Variants in RORA observed in about 807,000 individuals in gnomAD.
RORA encodes nuclear receptor ROR-alpha.
Under a neutral mutation model 69.5 loss-of-function variants are expected in RORA, and 7 were observed. The observed-to-expected ratio is 0.10, with a 90% confidence interval of 0.06 to 0.19. RORA has a LOEUF of 0.19. RORA is among the 10% of genes least tolerant of loss of function. The pLI is 1.00. For missense variants in RORA, 457 were observed against 663.0 expected (o/e 0.69, Z 3.41); for synonymous variants, 261 against 240.8 (o/e 1.08, Z -0.78).
chr15:60,696,713 A>G (rs1183014552), intron 1 of RORA, among the ~76,000 whole-genome samples: 1 of 152,026 alleles, frequency 6.6e-6, no homozygotes, highest in East Asian at 1.9e-4. Context: ...CCTTTGACCC[A>G]CTCACCGTGA....
At chr15:60,540,146 C>G (rs147691668) in intron 2 of RORA, among the ~76,000 whole-genome samples, 1,675 of 152,302 alleles carry the variant, frequency 0.011, 17 homozygotes, top group African/African-American at 0.023. Context: ...ATCTGACTCA[C>G]AGAACTGCAT....
In RORA at chr15:61,229,191, G is replaced by A. The variant is rs748875618; in HGVS notation, c.28C>T (p.Pro10Ser). Residue 10 changes from proline (P) to serine (S), a missense_variant, in exon 1 of 11, where the codon CCC (proline) becomes TCC (serine). Physicochemically the swap from Pro to Ser is moderately conservative, Grantham distance 74 (BLOSUM62 -1). Coordinates refer to ENST00000335670, the MANE Select transcript of RORA (RefSeq NM_134261.3). ...CTGCTGCCTGGCTCGCTGGCGGCGG[G>A]GTCGGGGGCTGCCGGAGCTGACTCC... MESAPAAPD[P>S]AASEPGSSGA... 1.5e-5 allele frequency: 24 copies of A among 1,552,256 alleles called. No homozygotes were observed. The highest frequency in any genetic ancestry group is 1.9e-5 in the Non-Finnish European group (22 of 1,151,596).
chr15:61,200,540 A>C (rs2079886042), intron 1 of RORA, among the ~76,000 whole-genome samples: 1 of 152,182 alleles, frequency 6.6e-6, no homozygotes, highest in African/African-American at 2.4e-5. Flanking sequence ...CTGACCTGGA[A>C]AAGGAAATAA....
intron 1 of RORA, among the ~76,000 whole-genome samples, chr15:60,918,662 C>T (rs76299492): frequency 6.6e-6 from 1 of 152,136 alleles, no homozygotes. Context: ...AAAGCAGGAA[C>T]CTTGGAGATA....
Position 60,496,731 on chromosome 15 carries a change from C to G in RORA, c.*724G>C, listed in dbSNP as rs1365393613. ...AGCCTTCTCAGTTAAACTTGTGTTT[C>G]TGGTGCACATGCGACACGACAGTGA... On this transcript the variant is annotated 3_prime_UTR_variant, in exon 11 of 11. Coordinates refer to ENST00000335670, the MANE Select transcript of RORA (RefSeq NM_134261.3). The surrounding 1 kb of genome is among the most constrained non-coding windows in gnomAD (Gnocchi z 4.5). 1 of 152,180 alleles carries G rather than the reference C, an allele frequency of 6.6e-6. No homozygotes were observed. The highest frequency in any genetic ancestry group is 1.5e-5 in the Non-Finnish European group (1 of 68,028). The allele number at this position is 152,180 out of a possible 1,614,324, so 9.4% of individuals were successfully genotyped here.
chr15:60,988,414 A>G (rs1331301169), intron 1 of RORA, among the ~76,000 whole-genome samples: 1 of 152,214 alleles, frequency 6.6e-6, no homozygotes, highest in Non-Finnish European at 1.5e-5. Flanking sequence ...TCAGAAGGCA[A>G]TTACCTCCAT....
intron 1 of RORA, among the ~76,000 whole-genome samples, chr15:60,927,199 C>T (rs762363513): frequency 5.3e-5 from 8 of 152,130 alleles, no homozygotes; most frequent in Non-Finnish European, 1.2e-4. Context: ...ACATGTGGAC[C>T]AGTTCCCTAC....
chr15:60,800,506 A>T (rs547683592), intron 1 of RORA, among the ~76,000 whole-genome samples: 1 of 152,368 alleles, frequency 6.6e-6, no homozygotes, highest in Non-Finnish European at 1.5e-5. Flanking sequence ...AAGATTTCAC[A>T]TCGTTTCTTC....
intron 1 of RORA, among the ~76,000 whole-genome samples, chr15:60,862,475 C>T (rs916268365): frequency 6.6e-6 from 1 of 152,168 alleles, no homozygotes; most frequent in Non-Finnish European, 1.5e-5. Flanking sequence ...CTATCTCAGA[C>T]CCTTAGTCTT....
intron 1 of RORA, among the ~76,000 whole-genome samples, chr15:61,170,354 C>T (rs760289694): frequency 6.6e-6 from 1 of 152,216 alleles, no homozygotes; most frequent in Non-Finnish European, 1.5e-5. Context: ...TCAAAGCCAG[C>T]AGTGTAGCGT....
intron 6 of RORA, 56 bp downstream of exon 6, chr15:60,505,452 C>G: frequency 6.3e-7 from 1 of 1,588,314 alleles, no homozygotes; most frequent in Non-Finnish European, 8.6e-7. Flanking sequence ...TTTCCTATAC[C>G]AACACCCTTC....
chr15:60,621,756 A>G (rs1456770339), intron 2 of RORA, among the ~76,000 whole-genome samples: 1 of 152,098 alleles, frequency 6.6e-6, no homozygotes, highest in Non-Finnish European at 1.5e-5. Context: ...GAAAAAGAGT[A>G]AAGGGTGGGG....
At chr15:60,973,001 A>G (rs1893765269) in intron 1 of RORA, among the ~76,000 whole-genome samples, 1 of 151,428 alleles carries the variant, frequency 6.6e-6, no homozygotes, top group African/African-American at 2.4e-5. Flanking sequence ...TGGGAGAAAA[A>G]AAAAAAACAA....
intron 2 of RORA, chr15:60,627,128 G>T: frequency 3.3e-6 from 3 of 917,922 alleles, no homozygotes; most frequent in Non-Finnish European, 5.0e-6. Flanking sequence ...TCCTTCACTC[G>T]TCAGATATTC....
At chr15:61,083,808 G>C (rs1368514809) in intron 1 of RORA, among the ~76,000 whole-genome samples, 1 of 151,896 alleles carries the variant, frequency 6.6e-6, no homozygotes, top group Non-Finnish European at 1.5e-5. Flanking sequence ...GAATACGTAG[G>C]CTTCTCTTGT....
chr15:60,880,880 T>C (rs568419560), intron 1 of RORA, among the ~76,000 whole-genome samples: 1 of 152,334 alleles, frequency 6.6e-6, no homozygotes, highest in South Asian at 2.1e-4. Flanking sequence ...TAACTTTTTT[T>C]CTTAGGGTAT....
intron 2 of RORA, among the ~76,000 whole-genome samples, chr15:60,663,456 C>CT (rs1439439963): frequency 8.5e-5 from 13 of 152,114 alleles, no homozygotes; most frequent in Non-Finnish European, 1.5e-4. Flanking sequence ...CAAAATGAGA[C>CT]TTTTTTTGTT....
chr15:61,094,377 G>A (rs1463868278), intron 1 of RORA, among the ~76,000 whole-genome samples: 1 of 152,084 alleles, frequency 6.6e-6, no homozygotes, highest in East Asian at 1.9e-4. Context: ...AATCAAATAT[G>A]ACCGTATGAT....
At chr15:60,795,438 C>T (rs114556214) in intron 1 of RORA, among the ~76,000 whole-genome samples, 129 of 152,270 alleles carry the variant, frequency 8.5e-4, no homozygotes, top group African/African-American at 2.6e-3. Flanking sequence ...AGCCAAACCC[C>T]GGGAGAGTAT....
Sources: gnomAD v4.1 joint callset for allele counts (sites outside exome capture counted in the v4.1 genomes callset) on GRCh38, gnomAD v4.1.1 for gene constraint, Gnocchi (gnomAD v3.1) non-coding constraint, MANE v1.5 for transcripts, NCBI Gene and HGNC (gene_info 2026-07-23, HGNC 2026-07-21) for gene names.